TECTA: variants seen among roughly 807,000 people sequenced by gnomAD.
The protein encoded by TECTA is alpha-tectorin.
A neutral mutation model predicts 216.8 loss-of-function variants in TECTA; 128 were observed. The observed-to-expected ratio is 0.59, with a 90% CI of 0.51 to 0.68. TECTA has a LOEUF of 0.68. Among genes scored for constraint, TECTA ranks in the 30% least tolerant of loss-of-function variants. The probability of loss-of-function intolerance (pLI) is 0.00; values close to 1 mark genes in which losing one functional copy is unlikely to be tolerated. For missense variants in TECTA, 2,551 were observed against 2,786.2 expected (o/e 0.92, Z 1.90); for synonymous variants, 1,089 against 1,117.1 (o/e 0.97, Z 0.50).
At chr11:121,109,631 G>C in intron 4 of TECTA, 133 bp downstream of exon 4, 1 of 1,115,522 alleles carries the variant, frequency 9.0e-7, no homozygotes, top group Non-Finnish European at 1.3e-6. Context: ...AATGAGTTTT[G>C]CTACCCACTT....
Position 121,109,247 on chromosome 11 carries a change from G to A in TECTA, c.235G>A (p.Val79Met), listed in dbSNP as rs1222538532. The change falls in exon 4 of 24, where the codon GTG becomes ATG. Residue 79 changes from valine to methionine, a missense_variant. By Grantham distance (21) the Val-to-Met change is conservative. Coordinates refer to ENST00000392793, the MANE Select transcript of TECTA (RefSeq NM_005422.4). ...NNGVVSFNVL[V>M]SQFTPESFPL... ...CGGAGTTGTTTCCTTCAATGTGCTA[G>A]TGAGCCAGTTCACGCCAGAATCCTT... The A allele has an allele frequency of 2.5e-6, 4 of 1,614,074 alleles. No individual in the cohort carries two copies. Among genetic ancestry groups the A allele is most frequent in the Non-Finnish European group, 3.4e-6 (4 of 1,180,036 alleles).
At chr11:121,125,944 C>T (rs954549165) in intron 8 of TECTA, 72 bp downstream of exon 8, 1 of 1,530,748 alleles carries the variant, frequency 6.5e-7, no homozygotes, top group Non-Finnish European at 8.8e-7. Context: ...GGGGGCTCCT[C>T]CAAATGTCCT....
At position 121,153,214 on chromosome 11, in the gene TECTA, TGGG is replaced by T. The variant is rs1266977217; in HGVS notation, c.4305+138_4305+140del. The stretch of plus-strand genomic sequence containing the variant: ...TCGTGTTCGTGGCAGGGGAATGGGA[TGGG>T]GGGTAGAGAGGCTAAGCACACTGTT... On this transcript the variant is annotated intron_variant, in intron 13 of 23. Coordinates refer to ENST00000392793, the MANE Select transcript of TECTA (RefSeq NM_005422.4). 8.4e-6 allele frequency: 9 copies of T among 1,077,396 alleles called. No individual in the cohort carries two copies. The African/African-American group carries it at 1.5e-4, about 18-fold the overall frequency. The allele number at this position is 1,077,396 out of a possible 1,614,324, so 66.7% of individuals were successfully genotyped here. A position where few individuals can be genotyped will look rare whatever the true frequency, so the allele number is the denominator to read the frequency against.
intron 20 of TECTA, among the ~76,000 whole-genome samples, chr11:121,177,505 C>A (rs1442165673): frequency 6.6e-6 from 1 of 152,214 alleles, no homozygotes; most frequent in African/African-American, 2.4e-5. Flanking sequence ...TCGTGAACCA[C>A]AAATGCTGCT....
intron 20 of TECTA, among the ~76,000 whole-genome samples, chr11:121,186,935 A>G (rs1947294204): frequency 1.3e-5 from 2 of 152,230 alleles, no homozygotes; most frequent in Non-Finnish European, 2.9e-5. Flanking sequence ...TACATGCCAC[A>G]TGCCATGTAG....
chr11:121,109,358 A>G lies in TECTA; in HGVS notation c.346A>G (p.Thr116Ala), dbSNP rs774920634. 6.2e-7 allele frequency: 1 copy of G among 1,614,164 alleles called. No homozygotes were observed. The highest frequency in any genetic ancestry group is 8.5e-7 in the Non-Finnish European group (1 of 1,180,038). The change falls in exon 4 of 24, where the codon ACC becomes GCC. Residue 116 changes from threonine to alanine, a missense_variant. By Grantham distance (58) the Thr-to-Ala change is moderately conservative (BLOSUM62 0). Transcript: ENST00000392793. ...TCGAGGCGAGATCTATTACAGAGAG[A>G]CCATGGAGCCTGCCATCTTGAAAAG... The part of the protein sequence containing the change: ...GIRGEIYYRE[T>A]MEPAILKRAT...
chr11:121,181,404 C>G lies in TECTA; in HGVS notation c.6000-6428C>G, dbSNP rs180774817. ...AATATCATTATATTGAATTCTTTCT[C>G]AGGTATTTCATAGATTTCTTTTTTT... On this transcript the variant is annotated intron_variant, in intron 20 of 23. Coordinates refer to ENST00000392793, the MANE Select transcript of TECTA (RefSeq NM_005422.4). Among the ~76,000 whole-genome samples the G allele has an allele frequency of 3.8e-4, 57 of 151,706 alleles. No individual in the cohort carries two copies. In the East Asian group the frequency reaches 0.011, roughly 29 times the overall value.
intron 11 of TECTA, among the ~76,000 whole-genome samples, chr11:121,138,959 G>C (rs1946757743): frequency 6.6e-6 from 1 of 152,156 alleles, no homozygotes; most frequent in Admixed American, 6.5e-5. Flanking sequence ...AAAATTCTGA[G>C]CTATACTGAA....
chr11:121,130,037 T>C lies in TECTA; in HGVS notation c.2767T>C (p.Phe923Leu), dbSNP rs1468517740. 1 of 1,613,542 alleles carries C rather than the reference T, an allele frequency of 6.2e-7. No individual in the cohort carries two copies. Among genetic ancestry groups the C allele is most frequent in the East Asian group, 2.2e-5 (1 of 44,860 alleles). The change falls in exon 10 of 24, where the codon TTC becomes CTC. Residue 923 changes from phenylalanine to leucine, a missense_variant. Around this residue, in one of 3 missense-constraint regions of TECTA, gnomAD observed 2,375 missense variants for 2,563.9 expected, o/e 0.93. Coordinates refer to ENST00000392793, the MANE Select transcript of TECTA (RefSeq NM_005422.4). ...GIINDPSNSS[F>L]LECHGVVNVT... ...CATCAACGACCCCTCCAACAGCTCC[T>C]TCCTGGAGTGCCATGGGGTGGTGAA...
At chr11:121,172,780 G>C (rs1450898029) in intron 20 of TECTA, among the ~76,000 whole-genome samples, 1 of 152,154 alleles carries the variant, frequency 6.6e-6, no homozygotes, top group African/African-American at 2.4e-5. Flanking sequence ...TTCTGCAAGG[G>C]TTGAACTAGT....
intron 20 of TECTA, among the ~76,000 whole-genome samples, chr11:121,177,557 CG>C (rs1342170969): frequency 2.6e-5 from 4 of 152,146 alleles, no homozygotes; most frequent in South Asian, 4.2e-4. Flanking sequence ...GAGGAGTACC[CG>C]GCCGTGTGAG....
Position 121,181,163 on chromosome 11 carries a change from CA to C in TECTA, c.6000-6661del, listed in dbSNP as rs201008499. ...CTGGTGACAGAGCAAGACTCCGTCTCAAAAAAAATAATTCTTTATTCTGTTT... is the reference window on the plus strand; with the variant it reads ...CTGGTGACAGAGCAAGACTCCGTCTCAAAAAAATAATTCTTTATTCTGTTT... On this transcript the variant is annotated intron_variant, in intron 20 of 23. Transcript: ENST00000392793. Among the ~76,000 whole-genome samples, 18 of 151,648 alleles carry C rather than the reference CA, an allele frequency of 1.2e-4. No individual in the cohort carries two copies. The East Asian group carries it at 3.1e-3, about 26-fold the overall frequency.
At chr11:121,181,885 G>T (rs1947233414) in intron 20 of TECTA, among the ~76,000 whole-genome samples, 2 of 152,302 alleles carry the variant, frequency 1.3e-5, no homozygotes, top group East Asian at 3.9e-4. Context: ...ATTGGCTTTT[G>T]TAGGGACAGA....
chr11:121,189,243 G>A, intron 22 of TECTA, 76 bp downstream of exon 22: 2 of 1,475,106 alleles, frequency 1.4e-6, no homozygotes, highest in South Asian at 2.3e-5. Flanking sequence ...TTTCACCTCT[G>A]ATGTGGGTCC....
At chr11:121,148,928 T>C (rs1256514401) in intron 12 of TECTA, among the ~76,000 whole-genome samples, 1 of 152,254 alleles carries the variant, frequency 6.6e-6, no homozygotes, top group Non-Finnish European at 1.5e-5. Context: ...GAGTCTATCA[T>C]TCTTTCAGTC....
intron 18 of TECTA, among the ~76,000 whole-genome samples, chr11:121,166,989 T>G (rs1025595533): frequency 4.6e-5 from 7 of 152,220 alleles, no homozygotes; most frequent in African/African-American, 1.7e-4. Context: ...AGTGATGTGT[T>G]TTTTCCTTGG....
chr11:121,165,002 T>C (rs562131125), intron 16 of TECTA, among the ~76,000 whole-genome samples: 2 of 152,358 alleles, frequency 1.3e-5, no homozygotes, highest in Admixed American at 6.5e-5. Context: ...ACTTTTGACC[T>C]TGGGCAAGTT....
At chr11:121,120,565 T>A (rs899901584) in intron 7 of TECTA, among the ~76,000 whole-genome samples, 2 of 152,156 alleles carry the variant, frequency 1.3e-5, no homozygotes, top group African/African-American at 2.4e-5. Flanking sequence ...GCCACTAAGA[T>A]CTGTTCTTCC....
At chr11:121,158,386 G>A (rs993678183) in intron 14 of TECTA, among the ~76,000 whole-genome samples, 162 bp downstream of exon 14, 1 of 152,220 alleles carries the variant, frequency 6.6e-6, no homozygotes, top group Admixed American at 6.5e-5. Flanking sequence ...GTATGAAGAT[G>A]TTTTAAGCCT....
Sources: gnomAD v4.1 joint callset for allele counts (sites outside exome capture counted in the v4.1 genomes callset) on GRCh38, gnomAD v4.1.1 for gene constraint, gnomAD v4.1.1 regional missense constraint, MANE v1.5 for transcripts, NCBI Gene and HGNC (gene_info 2026-07-23, HGNC 2026-07-21) for gene names.